The following EYS variants were observed in gnomAD, a reference collection of about 807,000 sequenced individuals.
EYS encodes EGF-like photoreceptor maintenance factor, also known as protein eyes shut homolog.
A neutral mutation model predicts 282.1 loss-of-function variants in EYS; 250 were observed. The observed-to-expected ratio is 0.89, with a 90% CI of 0.80 to 0.98. The LOEUF is 0.98. EYS is among the 50% of genes least tolerant of loss of function. EYS has a pLI of 0.00. For missense variants in EYS, 4,016 were observed against 3,709.0 expected (o/e 1.08, Z -2.15); for synonymous variants, 1,355 against 1,282.9 (o/e 1.06, Z -1.20).
At chr6:64,726,261 G>A (rs968933758) in intron 22 of EYS, among the ~76,000 whole-genome samples, 1 of 152,088 alleles carries the variant, frequency 6.6e-6, no homozygotes, top group Admixed American at 6.6e-5. Flanking sequence ...ATGTTATGAT[G>A]TGTGATGAAT....
chr6:64,018,300 C>T (rs1490944786), intron 33 of EYS, among the ~76,000 whole-genome samples: 1 of 152,088 alleles, frequency 6.6e-6, no homozygotes, highest in Non-Finnish European at 1.5e-5. Context: ...ATAGTATAAA[C>T]CTCAGATTGG....
chr6:64,814,836 CA>C (rs1372301458), intron 21 of EYS, among the ~76,000 whole-genome samples: 1 of 151,964 alleles, frequency 6.6e-6, no homozygotes, highest in African/African-American at 2.4e-5. Context: ...AGGATAATTC[CA>C]TATGCAAACA....
At chr6:64,521,920 G>A (rs887046743) in intron 26 of EYS, among the ~76,000 whole-genome samples, 3 of 151,688 alleles carry the variant, frequency 2.0e-5, no homozygotes, top group Non-Finnish European at 4.4e-5. Flanking sequence ...CTACCCAGAA[G>A]TATAGTCGTA....
chr6:65,106,027 C>T (rs1775025525), intron 12 of EYS, among the ~76,000 whole-genome samples: 1 of 151,958 alleles, frequency 6.6e-6, no homozygotes, highest in South Asian at 2.1e-4. Flanking sequence ...TTCTTACAGA[C>T]CATACAGCAG....
At chr6:65,476,743 A>C (rs1765422471) in intron 5 of EYS, among the ~76,000 whole-genome samples, 1 of 152,022 alleles carries the variant, frequency 6.6e-6, no homozygotes, top group South Asian at 2.1e-4. Flanking sequence ...GGCCCAGCTA[A>C]TTTTTATATT....
intron 12 of EYS, among the ~76,000 whole-genome samples, chr6:65,147,434 T>G (rs1764507000): frequency 1.3e-5 from 2 of 152,100 alleles, no homozygotes; most frequent in Admixed American, 1.3e-4. Context: ...TCAAGTTAGC[T>G]TTGCATTGCT....
chr6:65,629,745 C>T (rs1766847643), intron 2 of EYS, among the ~76,000 whole-genome samples: 2 of 152,140 alleles, frequency 1.3e-5, no homozygotes, highest in Non-Finnish European at 2.9e-5. Context: ...ACCTCCTTCT[C>T]TGCTGCAACC....
intron 40 of EYS, among the ~76,000 whole-genome samples, chr6:63,770,189 C>A (rs768332466): frequency 6.6e-6 from 1 of 151,956 alleles, no homozygotes; most frequent in Non-Finnish European, 1.5e-5. Flanking sequence ...CCATATAAAA[C>A]CTACAAAGTA....
chr6:64,687,142 T>C (rs928372061), intron 22 of EYS, among the ~76,000 whole-genome samples: 2 of 151,682 alleles, frequency 1.3e-5, no homozygotes, highest in Non-Finnish European at 2.9e-5. Flanking sequence ...TAATTCTACA[T>C]AAACTCTCTA....
intron 12 of EYS, among the ~76,000 whole-genome samples, chr6:65,157,894 T>C (rs1037608521): frequency 2.3e-4 from 35 of 150,892 alleles, no homozygotes; most frequent in African/African-American, 8.2e-4. Context: ...CTTGAGCCTA[T>C]ATCATGTATA....
chr6:65,281,035 C>A (rs76622666), intron 12 of EYS, among the ~76,000 whole-genome samples: 924 of 101,578 alleles, frequency 9.1e-3, no homozygotes, highest in African/African-American at 0.016. Context: ...GATGCCATCT[C>A]AAAAAAAAAA....
chr6:63,924,484 T>C (rs1764660073), intron 35 of EYS, among the ~76,000 whole-genome samples: 1 of 152,212 alleles, frequency 6.6e-6, no homozygotes. Context: ...GAGCACAAAA[T>C]AGCATCGTTT....
intron 15 of EYS, among the ~76,000 whole-genome samples, chr6:64,930,025 C>T (rs550575147): frequency 1.3e-5 from 2 of 152,192 alleles, no homozygotes; most frequent in South Asian, 2.1e-4. Flanking sequence ...TAAGTGTCTG[C>T]TATAGATAAT....
chr6:64,451,449 A>G (rs953453491), intron 26 of EYS, among the ~76,000 whole-genome samples: 18 of 152,170 alleles, frequency 1.2e-4, no homozygotes, highest in Non-Finnish European at 2.4e-4. Context: ...AGCTGGTACC[A>G]TTCCTTCTGA....
At chr6:64,731,767 T>C (rs1436544961) in intron 22 of EYS, among the ~76,000 whole-genome samples, 2 of 152,126 alleles carry the variant, frequency 1.3e-5, no homozygotes, top group East Asian at 1.9e-4. Context: ...TCCTGAAGGA[T>C]CTAGAACCAG....
chr6:63,733,738 G>C (rs928139856), intron 41 of EYS, among the ~76,000 whole-genome samples: 2 of 152,084 alleles, frequency 1.3e-5, no homozygotes, highest in Non-Finnish European at 2.9e-5. Flanking sequence ...CACGGACCAC[G>C]TTATAAACAT....
At chr6:64,850,348 G>A (rs1248686405) in intron 19 of EYS, among the ~76,000 whole-genome samples, 1 of 152,000 alleles carries the variant, frequency 6.6e-6, no homozygotes, top group Non-Finnish European at 1.5e-5. Context: ...TGTGGCATTG[G>A]TCCAGCATTT....
intron 24 of EYS, among the ~76,000 whole-genome samples, chr6:64,611,157 GT>G (rs577546663): frequency 2.0e-5 from 3 of 151,884 alleles, no homozygotes; most frequent in East Asian, 1.9e-4. Context: ...CATTTTTTGT[GT>G]TTTTTTTGTT....
intron 28 of EYS, among the ~76,000 whole-genome samples, chr6:64,416,518 C>CTTTTT (rs371267333): frequency 5.6e-4 from 79 of 139,834 alleles, no homozygotes; most frequent in East Asian, 1.5e-3. Context: ...GCCGTTAGGT[C>CTTTTT]TTTTTTTTTT....
Sources: allele counts gnomAD v4.1 joint callset (sites outside exome capture counted in the v4.1 genomes callset), GRCh38; gene constraint gnomAD v4.1.1; transcripts MANE v1.5; gene names NCBI Gene and HGNC (gene_info 2026-07-23, HGNC 2026-07-21).